The following FBXO47 variants were observed in gnomAD, a reference collection of about 807,000 sequenced individuals.
FBXO47 encodes the protein F-box only protein 47.
Under a neutral mutation model 53.9 loss-of-function variants are expected in FBXO47, and 34 were observed. That is an observed-to-expected ratio of 0.63 (90% confidence interval 0.48 to 0.84). FBXO47 has a LOEUF of 0.84. Ranked by LOEUF, FBXO47 falls within the 40% of genes least tolerant of loss-of-function variation. FBXO47 has a pLI of 0.00. For missense variants in FBXO47, 485 were observed against 541.3 expected (o/e 0.90, Z 1.03); for synonymous variants, 165 against 181.6 (o/e 0.91, Z 0.73).
At chr17:38,943,995 C>G (rs1032214195) in intron 7 of FBXO47, among the ~76,000 whole-genome samples, 1 of 151,568 alleles carries the variant, frequency 6.6e-6, no homozygotes, top group African/African-American at 2.4e-5. Context: ...AGTTCGAGAC[C>G]AGCCTGTGAA....
intron 6 of FBXO47, among the ~76,000 whole-genome samples, chr17:38,946,883 A>AAC (rs1904932105): frequency 1.7e-5 from 2 of 115,916 alleles, no homozygotes; most frequent in African/African-American, 7.6e-5. Context: ...CATATATATA[A>AAC]ATATATATAT....
intron 3 of FBXO47, among the ~76,000 whole-genome samples, chr17:38,959,501 A>T (rs1905712897): frequency 6.9e-6 from 1 of 145,648 alleles, no homozygotes; most frequent in Admixed American, 7.2e-5. Context: ...AATCGCTTGA[A>T]CCCAGGAGGC....
At chr17:38,947,170 C>T (rs868639985) in intron 6 of FBXO47, among the ~76,000 whole-genome samples, 14 of 148,062 alleles carry the variant, frequency 9.5e-5, no homozygotes, top group Non-Finnish European at 1.8e-4. Flanking sequence ...GGCAGTGGCA[C>T]GTGCCTTTGA....
intron 4 of FBXO47, 97 bp from the exon 5 acceptor site, chr17:38,955,030 C>A: frequency 1.1e-6 from 1 of 924,826 alleles, no homozygotes; most frequent in South Asian, 1.6e-5. Flanking sequence ...TGGAAATAAG[C>A]AAGAATTTTT....
intron 10 of FBXO47, 127 bp downstream of exon 10, chr17:38,938,446 G>A: frequency 1.5e-6 from 1 of 675,660 alleles, no homozygotes; most frequent in South Asian, 3.3e-5. Context: ...ATTTTTTAAA[G>A]TCAACATAGA....
intron 1 of FBXO47, among the ~76,000 whole-genome samples, chr17:38,966,188 C>T (rs761730700): frequency 2.0e-5 from 3 of 152,066 alleles, no homozygotes; most frequent in African/African-American, 4.8e-5. Context: ...GTAACCTTAA[C>T]TTTTCACAGT....
intron 3 of FBXO47, among the ~76,000 whole-genome samples, chr17:38,960,198 C>G (rs921744133): frequency 1.3e-5 from 2 of 151,630 alleles, no homozygotes; most frequent in African/African-American, 4.8e-5. Context: ...ACTCAGGAGG[C>G]TGAGGCAGGA....
intron 3 of FBXO47, among the ~76,000 whole-genome samples, chr17:38,959,339 T>C (rs1338565543): frequency 2.6e-5 from 4 of 151,808 alleles, no homozygotes; most frequent in Non-Finnish European, 5.9e-5. Context: ...TCCCAGCACT[T>C]TGAGAGGCTG....
chr17:38,945,131 C>T lies in FBXO47; in HGVS notation c.622G>A (p.Ala208Thr), dbSNP rs754088763. The change falls in exon 7 of 11, where the codon GCC becomes ACC. Residue 208 changes from alanine to threonine, a missense_variant. Physicochemically the swap from Ala to Thr is moderately conservative, Grantham distance 58. Coordinates refer to ENST00000378079, the MANE Select transcript of FBXO47 (RefSeq NM_001008777.3). ...CTGATTCTTAACTCCAGTTTTTGGG[C>T]ACTTCCTATGAAGACAAAAGAATTG... is the stretch of plus-strand genomic sequence containing the variant. ...QMAVCSKPGS[A>T]QKLELRIRLF... 6.2e-7 allele frequency: 1 copy of T among 1,607,406 alleles called. No homozygotes were observed. The highest frequency in any genetic ancestry group is 1.3e-5 in the African/African-American group (1 of 74,882).
rs919044443 is a variant in FBXO47, at chr17:38,941,599, G to A, written c.1083+1179C>T. On this transcript the variant is annotated intron_variant, in intron 9 of 10. Transcript: ENST00000378079. Reference sequence around the variant, plus strand: ...CACTCAATACAAATTTGTGTTAAATGAATATTAAATAAATATAATATTATA... The same window carrying A: ...CACTCAATACAAATTTGTGTTAAATAAATATTAAATAAATATAATATTATA... Among the ~76,000 whole-genome samples the A allele has an allele frequency of 1.1e-3, 129 of 120,564 alleles. 1 individual carries two copies. The highest frequency in any genetic ancestry group is 1.5e-3 in the Non-Finnish European group (86 of 57,382). The allele number at this position is 120,564 out of a possible 152,430, so 79.1% of individuals were successfully genotyped here.
chr17:38,947,734 C>A (rs1905013792), intron 6 of FBXO47, among the ~76,000 whole-genome samples: 1 of 151,974 alleles, frequency 6.6e-6, no homozygotes, highest in Non-Finnish European at 1.5e-5. Flanking sequence ...ATGGTGAAAT[C>A]CCGTCTTTAC....
chr17:38,957,154 C>A, intron 4 of FBXO47, 23 bp downstream of exon 4: 1 of 1,445,104 alleles, frequency 6.9e-7, no homozygotes. Context: ...AGATTGTAAA[C>A]TAATTTAGAA....
intron 5 of FBXO47, among the ~76,000 whole-genome samples, chr17:38,953,667 C>T (rs965619842): frequency 3.3e-5 from 5 of 151,946 alleles, no homozygotes; most frequent in Admixed American, 3.3e-4. Context: ...TAATCTTATT[C>T]CCTGTGGAAG....
chr17:38,962,363 C>G (rs1905853810), intron 2 of FBXO47, among the ~76,000 whole-genome samples: 1 of 152,108 alleles, frequency 6.6e-6, no homozygotes. Flanking sequence ...TGCCTGTAAT[C>G]CCAGTACTTT....
intron 5 of FBXO47, among the ~76,000 whole-genome samples, chr17:38,954,528 G>A (rs1037773042): frequency 1.3e-5 from 2 of 151,924 alleles, no homozygotes; most frequent in Non-Finnish European, 2.9e-5. Flanking sequence ...ATACACGCAT[G>A]CACACACACC....
intron 9 of FBXO47, among the ~76,000 whole-genome samples, chr17:38,939,587 T>C (rs977793368): frequency 5.3e-5 from 8 of 149,612 alleles, no homozygotes; most frequent in Admixed American, 5.3e-4. Flanking sequence ...TTCTTCATTA[T>C]TGAAAAGATA....
chr17:38,940,879 A>G (rs961143019), intron 9 of FBXO47, among the ~76,000 whole-genome samples: 2 of 151,822 alleles, frequency 1.3e-5, no homozygotes, highest in African/African-American at 2.4e-5. Flanking sequence ...GGCTTTCCCT[A>G]TATTGCCCAG....
chr17:38,956,807 T>C (rs1176672129), intron 4 of FBXO47, among the ~76,000 whole-genome samples: 1 of 152,166 alleles, frequency 6.6e-6, no homozygotes, highest in Non-Finnish European at 1.5e-5. Context: ...CATGTTTCTA[T>C]ACATTTAAAC....
intron 6 of FBXO47, among the ~76,000 whole-genome samples, chr17:38,946,201 T>C (rs1310523985): frequency 8.8e-6 from 1 of 113,416 alleles, no homozygotes; most frequent in African/African-American, 3.6e-5. Context: ...TAAAAATATA[T>C]ATAAATATAT....
Sources: gnomAD v4.1 joint callset for allele counts (sites outside exome capture counted in the v4.1 genomes callset) on GRCh38, gnomAD v4.1.1 for gene constraint, MANE v1.5 for transcripts, NCBI Gene and HGNC (gene_info 2026-07-23, HGNC 2026-07-21) for gene names.